Variants in CCDC126 observed in about 807,000 individuals in gnomAD.
CCDC126 encodes coiled-coil domain containing 126.
A neutral mutation model predicts 11.7 loss-of-function variants in CCDC126; 5 were observed. That is an observed-to-expected ratio of 0.43 (90% CI 0.22 to 0.90). The LOEUF (loss-of-function observed/expected upper bound fraction) is 0.90, where lower values mean the gene tolerates loss of function less well. Ranked by LOEUF, CCDC126 falls within the 40% of genes least tolerant of loss-of-function variation. The probability of loss-of-function intolerance (pLI) is 0.27; values close to 1 mark genes in which losing one functional copy is unlikely to be tolerated. For synonymous variants in CCDC126, 60 were observed against 61.9 expected (o/e 0.97, Z 0.14); for missense variants, 150 against 163.1 (o/e 0.92, Z 0.44).
At chr7:23,604,223 T>G (rs1009639270) in intron 2 of CCDC126, 3 of 152,236 alleles carry the variant, frequency 2.0e-5, no homozygotes, top group Non-Finnish European at 4.4e-5. Context: ...TTTTCAAGCC[T>G]GTAGCCTCTC....
chr7:23,606,533 A>G (rs1002633446), intron 2 of CCDC126, among the ~76,000 whole-genome samples: 1 of 152,170 alleles, frequency 6.6e-6, no homozygotes, highest in African/African-American at 2.4e-5. Flanking sequence ...ACAAGCAGCT[A>G]TAGGAATCCA....
chr7:23,641,507 CGAT>C (rs1562501218), intron 3 of CCDC126, among the ~76,000 whole-genome samples: 1 of 152,106 alleles, frequency 6.6e-6, no homozygotes, highest in Non-Finnish European at 1.5e-5. Context: ...TTTTAAATAT[CGAT>C]GAAGTCCAGT....
chr7:23,615,173 C>CTA, intron 3 of CCDC126, among the ~76,000 whole-genome samples: 1 of 152,226 alleles, frequency 6.6e-6, no homozygotes, highest in East Asian at 1.9e-4. Flanking sequence ...GCTAGGTCTT[C>CTA]TAGATAACTT....
At chr7:23,602,286 T>A (rs1782557732) in intron 2 of CCDC126, 3 of 152,252 alleles carry the variant, frequency 2.0e-5, no homozygotes, top group African/African-American at 7.2e-5. Context: ...AAAAATTATA[T>A]TTAAAATGCT....
Position 23,643,005 on chromosome 7 carries a change from G to C in CCDC126, c.313G>C (p.Asp105His). 1 of 1,614,188 alleles carries C rather than the reference G, an allele frequency of 6.2e-7. No homozygotes were observed. The highest frequency in any genetic ancestry group is 8.5e-7 in the Non-Finnish European group (1 of 1,180,024). Residue 105 changes from aspartate (D) to histidine (H), a missense_variant, in exon 4 of 4, where the codon GAC (aspartate) becomes CAC (histidine). Transcript: ENST00000307471. The stretch of plus-strand genomic sequence containing the variant: ...ATTGGTGAAGCTGGAGAACAAAGTT[G>C]ACTATATTGTTGTGAATGGCTCAGC... Reference protein sequence around the residue: ...QRLVKLENKVDYIVVNGSAAN... With the variant: ...QRLVKLENKVHYIVVNGSAAN...
intron 3 of CCDC126, among the ~76,000 whole-genome samples, chr7:23,642,213 C>G (rs764174006): frequency 3.9e-5 from 6 of 152,076 alleles, no homozygotes; most frequent in African/African-American, 1.2e-4. Flanking sequence ...GGGGTTTCAC[C>G]GTGTTAGACA....
chr7:23,624,645 G>A (rs1313245414), intron 3 of CCDC126, among the ~76,000 whole-genome samples: 3 of 152,130 alleles, frequency 2.0e-5, no homozygotes, highest in African/African-American at 7.2e-5. Context: ...TCAAAGATAG[G>A]TGGCCATTCA....
intron 2 of CCDC126, among the ~76,000 whole-genome samples, chr7:23,606,993 GA>G (rs562971431): frequency 5.3e-5 from 8 of 152,074 alleles, no homozygotes; most frequent in Non-Finnish European, 1.2e-4. Context: ...AGGCTATTCA[GA>G]AAGCTAAGGT....
intron 3 of CCDC126, among the ~76,000 whole-genome samples, chr7:23,630,526 G>A (rs544227548): frequency 1.3e-5 from 2 of 149,032 alleles, no homozygotes; most frequent in Non-Finnish European, 3.0e-5. Context: ...ATCCATGAAG[G>A]CTGGGTGTGG....
At chr7:23,614,522 C>T (rs1041666578) in intron 3 of CCDC126, among the ~76,000 whole-genome samples, 42 of 152,210 alleles carry the variant, frequency 2.8e-4, no homozygotes, top group African/African-American at 9.6e-4. Flanking sequence ...TACCTCCTTT[C>T]ATGAATCATG....
intron 3 of CCDC126, among the ~76,000 whole-genome samples, chr7:23,639,066 A>C (rs1048560199): frequency 3.9e-5 from 6 of 152,010 alleles, no homozygotes; most frequent in African/African-American, 1.4e-4. Flanking sequence ...ATTAATAAAT[A>C]AATGTCCCCT....
chr7:23,641,797 A>G (rs1297636259), intron 3 of CCDC126, among the ~76,000 whole-genome samples: 1 of 152,228 alleles, frequency 6.6e-6, no homozygotes, highest in Non-Finnish European at 1.5e-5. Context: ...ATAACATTAC[A>G]AAGAGGTTAG....
intron 2 of CCDC126, among the ~76,000 whole-genome samples, chr7:23,605,488 T>C (rs183298686): frequency 4.6e-5 from 7 of 151,972 alleles, no homozygotes; most frequent in Admixed American, 4.6e-4. Context: ...AACATTTAAG[T>C]GTACAGTTCA....
In CCDC126 at chr7:23,636,393, C is replaced by T. The variant is rs1306192734; in HGVS notation, c.239-6538C>T. Among the ~76,000 whole-genome samples the T allele has an allele frequency of 4.0e-5, 6 of 149,884 alleles. No homozygotes were observed. In the East Asian group the frequency reaches 1.2e-3, roughly 30 times the overall value. ...AAAGTGAGGAGCGTCTCTGCCCGGC[C>T]GCCATCCCATCTAGGAAGCGAGGAG... On this transcript the variant is annotated intron_variant, in intron 3 of 3. Coordinates refer to ENST00000307471, the MANE Select transcript of CCDC126 (RefSeq NM_138771.4).
intron 2 of CCDC126, among the ~76,000 whole-genome samples, chr7:23,602,574 T>C (rs112079635): frequency 4.7e-4 from 71 of 152,328 alleles, no homozygotes; most frequent in African/African-American, 1.7e-3. Flanking sequence ...TGCTGTGCTT[T>C]GGGAGCCTTC....
intron 3 of CCDC126, among the ~76,000 whole-genome samples, chr7:23,639,117 A>G (rs1783305888): frequency 6.6e-6 from 1 of 152,028 alleles, no homozygotes; most frequent in African/African-American, 2.4e-5. Flanking sequence ...CTCTACAGAA[A>G]AAATTTAAAA....
In CCDC126 at chr7:23,643,279, A is replaced by C; in HGVS notation, c.*164A>C. On this transcript the variant is annotated 3_prime_UTR_variant, in exon 4 of 4. Transcript: ENST00000307471. ...ATGGAACTCTAATTCTGTACATAAA[A>C]ATTTTAAAGTTATTTGTTTGCTTTC... 1 of 613,728 alleles carries C rather than the reference A, an allele frequency of 1.6e-6. No individual in the cohort carries two copies. Among genetic ancestry groups the C allele is most frequent in the Non-Finnish European group, 2.7e-6 (1 of 374,702 alleles). The allele number at this position is 613,728 out of a possible 1,614,324, so 38.0% of individuals were successfully genotyped here. A position where few individuals can be genotyped will look rare whatever the true frequency, so the allele number is the denominator to read the frequency against.
intron 3 of CCDC126, among the ~76,000 whole-genome samples, chr7:23,639,192 CTTT>C (rs1245503837): frequency 5.1e-5 from 7 of 137,168 alleles, no homozygotes; most frequent in Admixed American, 1.5e-4. Context: ...TTTTTTATGT[CTTT>C]TTTTTTTTTT....
intron 3 of CCDC126, among the ~76,000 whole-genome samples, chr7:23,613,609 A>C (rs59846199): frequency 0.011 from 1,656 of 152,236 alleles, 31 homozygotes; most frequent in African/African-American, 0.038. Context: ...TCCACCCCCC[A>C]GGCTGTTGTC....
Sources: allele counts gnomAD v4.1 joint callset (sites outside exome capture counted in the v4.1 genomes callset), GRCh38; gene constraint gnomAD v4.1.1; transcripts MANE v1.5; gene names NCBI Gene and HGNC (gene_info 2026-07-23, HGNC 2026-07-21).